The following ADAM32 variants were observed in gnomAD, a reference collection of about 807,000 sequenced individuals.
ADAM32 encodes the protein ADAM metallopeptidase domain 32, also known as disintegrin and metalloproteinase domain-containing protein 32.
In ADAM32, 89 loss-of-function variants were observed where a neutral mutation model predicts 114.9. That is an observed-to-expected ratio of 0.77 (90% CI 0.65 to 0.92). The LOEUF is 0.92. ADAM32 is among the 40% of genes least tolerant of loss of function. The pLI, the probability that ADAM32 is intolerant of heterozygous loss-of-function variation, is 0.00. For synonymous variants in ADAM32, 285 were observed against 307.5 expected (o/e 0.93, Z 0.77); for missense variants, 870 against 932.8 (o/e 0.93, Z 0.88).
chr8:39,232,461 C>T (rs1809805477), intron 15 of ADAM32, among the ~76,000 whole-genome samples: 2 of 152,138 alleles, frequency 1.3e-5, no homozygotes, highest in Non-Finnish European at 1.5e-5. Context: ...TGCTCAGTGT[C>T]TATAAAATGC....
intron 16 of ADAM32, among the ~76,000 whole-genome samples, chr8:39,234,686 C>A (rs569326392): frequency 1.3e-5 from 2 of 152,294 alleles, no homozygotes; most frequent in African/African-American, 4.8e-5. Context: ...CGATTGTTAT[C>A]ATTATAATTT....
intron 11 of ADAM32, among the ~76,000 whole-genome samples, chr8:39,200,382 G>A (rs1025860141): frequency 2.6e-5 from 4 of 152,188 alleles, no homozygotes; most frequent in African/African-American, 9.7e-5. Context: ...GTGATGATGA[G>A]CATTTTTTTC....
At chr8:39,281,530 AG>A (rs753817269) in intron 23 of ADAM32, among the ~76,000 whole-genome samples, 19 of 152,210 alleles carry the variant, frequency 1.2e-4, no homozygotes, top group Non-Finnish European at 2.8e-4. Flanking sequence ...GTACTTTTTC[AG>A]GTTGCATTTA....
At position 39,147,200 on chromosome 8, in the gene ADAM32, A is replaced by G. The variant is rs1180437107; in HGVS notation, c.271A>G (p.Ile91Val). The G allele has an allele frequency of 4.0e-6, 4 of 1,005,644 alleles. No individual in the cohort carries two copies. Among genetic ancestry groups the G allele is most frequent in the Non-Finnish European group, 5.3e-6 (4 of 756,428 alleles). 62.3% of individuals were successfully genotyped at this position (1,005,644 alleles called of 1,614,324 possible). ...ATCTATGAATACTTATTCTTCAGATATTCAGGTAAGATTTAAATTCTGTGT... is the reference window on the plus strand; with the variant it reads ...ATCTATGAATACTTATTCTTCAGATGTTCAGGTAAGATTTAAATTCTGTGT... The part of the protein sequence containing the change: ...QGSMNTYSSD[I>V]QTQCYYQGNI... Residue 91 changes from isoleucine to valine, a missense_variant, in exon 4 of 25, where the codon ATT becomes GTT. Ile to Val is a conservative substitution (Grantham distance 29). Transcript: ENST00000379907.
intron 10 of ADAM32, among the ~76,000 whole-genome samples, chr8:39,178,774 C>A (rs1338228692): frequency 6.6e-6 from 1 of 152,016 alleles, no homozygotes; most frequent in Non-Finnish European, 1.5e-5. Flanking sequence ...AACAGTCAGG[C>A]CACTCTTTCA....
intron 6 of ADAM32, 115 bp from the exon 7 acceptor site, chr8:39,160,781 TA>T (rs1184906773): frequency 5.7e-6 from 5 of 876,618 alleles, no homozygotes; most frequent in Non-Finnish European, 8.4e-6. Flanking sequence ...ACCAATTTGA[TA>T]AAGCAAACAC....
chr8:39,161,064 C>T (rs983551117), intron 7 of ADAM32, 99 bp downstream of exon 7: 19 of 1,101,246 alleles, frequency 1.7e-5, no homozygotes, highest in Non-Finnish European at 2.4e-5. Context: ...AATGTTCTTA[C>T]TCACATGTCA....
intron 9 of ADAM32, chr8:39,166,309 T>C (rs1207432168): frequency 1.3e-5 from 2 of 152,204 alleles, no homozygotes; most frequent in Non-Finnish European, 2.9e-5. Context: ...TTTTCCATTC[T>C]TGAGTTACTT....
intron 16 of ADAM32, among the ~76,000 whole-genome samples, chr8:39,245,428 C>T (rs963531233): frequency 3.9e-5 from 6 of 152,068 alleles, no homozygotes; most frequent in Admixed American, 3.9e-4. Flanking sequence ...AACCAAACAC[C>T]ACCTGTTCCC....
chr8:39,198,296 A>G (rs1457315057), intron 11 of ADAM32, among the ~76,000 whole-genome samples: 1 of 152,058 alleles, frequency 6.6e-6, no homozygotes, highest in Non-Finnish European at 1.5e-5. Flanking sequence ...AGCCATTTAC[A>G]TTTGATATTG....
At chr8:39,247,488 AT>A (rs931544497) in intron 17 of ADAM32, among the ~76,000 whole-genome samples, 22 of 150,574 alleles carry the variant, frequency 1.5e-4, no homozygotes, top group Admixed American at 4.6e-4. Flanking sequence ...TTTTCCATCT[AT>A]TTTTTTTTGG....
intron 2 of ADAM32, among the ~76,000 whole-genome samples, chr8:39,134,788 A>G (rs1802688901): frequency 6.6e-6 from 1 of 152,218 alleles, no homozygotes; most frequent in Non-Finnish European, 1.5e-5. Context: ...GACACTAATA[A>G]TAATTACTAA....
chr8:39,114,134 A>G (rs527526324), intron 1 of ADAM32, among the ~76,000 whole-genome samples: 3 of 152,318 alleles, frequency 2.0e-5, no homozygotes, highest in South Asian at 4.1e-4. Context: ...CCCTTGATCT[A>G]TATAAGTCCC....
intron 19 of ADAM32, among the ~76,000 whole-genome samples, chr8:39,261,705 A>G (rs964640774): frequency 2.6e-4 from 40 of 152,002 alleles, no homozygotes; most frequent in African/African-American, 8.7e-4. Flanking sequence ...TCTTGCCAGC[A>G]TTTGTTATTT....
intron 3 of ADAM32, among the ~76,000 whole-genome samples, chr8:39,141,696 T>C (rs1379657205): frequency 6.6e-6 from 1 of 152,196 alleles, no homozygotes; most frequent in Non-Finnish European, 1.5e-5. Flanking sequence ...TCTGTATATG[T>C]CTATTAGGTC....
chr8:39,117,080 C>T (rs1051973596), intron 1 of ADAM32, among the ~76,000 whole-genome samples: 2 of 151,422 alleles, frequency 1.3e-5, no homozygotes, highest in Non-Finnish European at 2.9e-5. Context: ...GACGGGGTTT[C>T]ACTATGTTGG....
At chr8:39,171,563 T>G (rs978681149) in intron 10 of ADAM32, among the ~76,000 whole-genome samples, 1 of 152,088 alleles carries the variant, frequency 6.6e-6, no homozygotes, top group Non-Finnish European at 1.5e-5. Context: ...TGAATGCACA[T>G]GGTAAATTGT....
rs556173843 is a variant in ADAM32, at chr8:39,251,579, A to G, written c.1903-2835A>G. Among the ~76,000 whole-genome samples, 5 of 151,176 alleles carry G rather than the reference A, an allele frequency of 3.3e-5. No individual in the cohort carries two copies. In the South Asian group the frequency reaches 6.2e-4, roughly 19 times the overall value. On this transcript the variant is annotated intron_variant, in intron 17 of 24. Coordinates refer to ENST00000379907, the MANE Select transcript of ADAM32 (RefSeq NM_145004.7). The stretch of plus-strand genomic sequence containing the variant: ...CATATACTTTGTGGAGTTTTTTCCT[A>G]TTGAGTTATTTGAGCTCCTTATATA...
Position 39,211,271 on chromosome 8 carries a change from T to C in ADAM32, c.1180T>C (p.Cys394Arg), listed in dbSNP as rs754369001. 12 of 1,598,116 alleles carry C rather than the reference T, an allele frequency of 7.5e-6. No individual in the cohort carries two copies. Among genetic ancestry groups the C allele is most frequent in the Non-Finnish European group, 9.4e-6 (11 of 1,172,260 alleles). The change falls in exon 12 of 25, where the codon TGT becomes CGT. Residue 394 changes from cysteine (C) to arginine (R), a missense_variant. By Grantham distance (180) the Cys-to-Arg change is radical. Coordinates refer to ENST00000379907, the MANE Select transcript of ADAM32 (RefSeq NM_145004.7). ...QMQKKSPKPV[C>R]GNGRLEGNEI... Reference sequence around the variant, plus strand: ...GCAAAAAAAATCTCCGAAACCAGTCTGTGGCAATGGCAGATTGGAGGGAAA... The same window carrying C: ...GCAAAAAAAATCTCCGAAACCAGTCCGTGGCAATGGCAGATTGGAGGGAAA...
Sources: allele counts gnomAD v4.1 joint callset (sites outside exome capture counted in the v4.1 genomes callset), GRCh38; gene constraint gnomAD v4.1.1; transcripts MANE v1.5; gene names NCBI Gene and HGNC (gene_info 2026-07-23, HGNC 2026-07-21).